The following SUPT5H variants were observed in gnomAD, a reference collection of about 807,000 sequenced individuals.
SUPT5H encodes SPT5 homolog, DSIF elongation factor subunit.
SUPT5H carries 24 observed loss-of-function variants against 142.5 expected under a neutral mutation model. The observed-to-expected ratio is 0.17, with a 90% CI of 0.12 to 0.24. The LOEUF (loss-of-function observed/expected upper bound fraction) is 0.24. SUPT5H is among the 10% of genes least tolerant of loss of function. The pLI, the probability that SUPT5H is intolerant of heterozygous loss-of-function variation, is 1.00. For missense variants in SUPT5H, 893 were observed against 1,471.8 expected (o/e 0.61, Z 6.43); for synonymous variants, 546 against 553.0 (o/e 0.99, Z 0.18).
intron 3 of SUPT5H, among the ~76,000 whole-genome samples, chr19:39,455,575 G>A (rs2079076657): frequency 6.6e-6 from 1 of 151,786 alleles, no homozygotes; most frequent in Non-Finnish European, 1.5e-5. Flanking sequence ...AAATTACATG[G>A]GGGGAACATA....
intron 11 of SUPT5H, 128 bp downstream of exon 11, chr19:39,465,177 C>T (rs2146109116): frequency 7.2e-7 from 1 of 1,386,126 alleles, no homozygotes; most frequent in African/African-American, 1.4e-5. Context: ...TGAAGCAGAG[C>T]CTGGGTTTTG....
rs112789663 is a variant in SUPT5H, at chr19:39,457,059, C to T, written c.242-616C>T. Among the ~76,000 whole-genome samples, 860 of 152,302 alleles carry T rather than the reference C, an allele frequency of 5.6e-3. 13 individuals are homozygous for T. Among genetic ancestry groups the T allele is most frequent in the African/African-American group, 0.02 (833 of 41,562 alleles). ...AGTGTAATGTTTGATACCTGCAAAG[C>T]AGTACATCCAACATGGTAAAGAGAT... On this transcript the variant is annotated intron_variant, in intron 3 of 29. Transcript: ENST00000432763.
Position 39,476,491 on chromosome 19 carries a change from T to G in SUPT5H, c.*92T>G. The G allele has an allele frequency of 6.7e-7, 1 of 1,487,484 alleles. No homozygotes were observed. The highest frequency in any genetic ancestry group is 1.2e-5 in the South Asian group (1 of 85,710). 92.1% of individuals were successfully genotyped at this position (1,487,484 alleles called of 1,614,324 possible). A position where few individuals can be genotyped will look rare whatever the true frequency, so the allele number is the denominator to read the frequency against. On this transcript the variant is annotated 3_prime_UTR_variant, in exon 30 of 30. Transcript: ENST00000432763. ...GTGACACAAGATCCTCCTGCAGGGC[T>G]AGGCGGATTGTTCTGGATTTCCTTT...
rs2079237604 is a variant in SUPT5H at position 39,466,461 on chromosome 19, T to A, written c.877-19T>A. On this transcript the variant is annotated intron_variant, in intron 11 of 29. Coordinates refer to ENST00000432763, the MANE Select transcript of SUPT5H (RefSeq NM_001111020.3). This position sits in a 1 kb window ranked among gnomAD's most constrained non-coding sequence, Gnocchi z 4.3. ...GGAGGAGAGTGGGGCCCTGCTGACC[T>A]TCTGCTCGCCCTGCTCAGGTGGACT... 6.2e-7 allele frequency: 1 copy of A among 1,612,896 alleles called. No individual in the cohort carries two copies. Among genetic ancestry groups the A allele is most frequent in the African/African-American group, 1.3e-5 (1 of 75,002 alleles).
intron 28 of SUPT5H, chr19:39,475,089 G>A (rs1054026491): frequency 3.3e-6 from 1 of 306,154 alleles, no homozygotes. Context: ...GGAACATAAA[G>A]AGCCAAAGGG....
In SUPT5H at chr19:39,459,602, A is replaced by G; in HGVS notation, c.555+13A>G. ...TGTCAAATGTAAGGTATGTGCTCTG[A>G]TCTCGGGGCTTGGAGGAGGTGGGAG... On this transcript the variant is annotated intron_variant, in intron 9 of 29. Coordinates refer to ENST00000432763, the MANE Select transcript of SUPT5H (RefSeq NM_001111020.3). 1 of 1,613,428 alleles carries G rather than the reference A, an allele frequency of 6.2e-7. No individual in the cohort carries two copies. Among genetic ancestry groups the G allele is most frequent in the Non-Finnish European group, 8.5e-7 (1 of 1,179,798 alleles).
At position 39,472,743 on chromosome 19, in the gene SUPT5H, C is replaced by T. The variant is rs1489734037; in HGVS notation, c.2036-67C>T. On this transcript the variant is annotated intron_variant, in intron 21 of 29. Coordinates refer to ENST00000432763, the MANE Select transcript of SUPT5H (RefSeq NM_001111020.3). This position sits in a 1 kb window ranked among gnomAD's most constrained non-coding sequence, Gnocchi z 4.2. ...GGAGGAGTCAAGCAAGTGAAGGGGA[C>T]GTTCTGATGGTGCCCTTGCTGTGGG... is the stretch of plus-strand genomic sequence containing the variant. 1.9e-5 allele frequency: 30 copies of T among 1,551,580 alleles called. No homozygotes were observed. Among genetic ancestry groups the T allele is most frequent in the African/African-American group, 5.4e-5 (4 of 73,770 alleles).
At position 39,474,518 on chromosome 19, in the gene SUPT5H, A is replaced by G. The variant is rs1172086098; in HGVS notation, c.2824A>G (p.Ser942Gly). 1 of 1,613,972 alleles carries G rather than the reference A, an allele frequency of 6.2e-7. No individual in the cohort carries two copies. The highest frequency in any genetic ancestry group is 1.7e-5 in the Admixed American group (1 of 59,996). The change falls in exon 28 of 30, where the codon AGC becomes GGC. Residue 942 changes from serine to glycine, a missense_variant. By Grantham distance (56) the Ser-to-Gly change is moderately conservative. Coordinates refer to ENST00000432763, the MANE Select transcript of SUPT5H (RefSeq NM_001111020.3). The surrounding 1 kb of genome is among the most constrained non-coding windows in gnomAD (Gnocchi z 6.5). The stretch of plus-strand genomic sequence containing the variant: ...ACACTTCCTCTTTCCCCTGCAGGCT[A>G]GCCCCAGCCCGAGCCCCGTTGGCTA... ...PTPSPMAYQA[S>G]PSPSPVGYSP...
chr19:39,474,398 A>G lies in SUPT5H; in HGVS notation c.2816A>G (p.Tyr939Cys), dbSNP rs757106895. ...SYHPTPSPMA[Y>C]QASPSPSPVG... Reference sequence around the variant, plus strand: ...CACCCTACACCGTCGCCCATGGCCTATCAGGTAATGGTCTGCCTGCCTGCC... The same window carrying G: ...CACCCTACACCGTCGCCCATGGCCTGTCAGGTAATGGTCTGCCTGCCTGCC... Residue 939 changes from tyrosine to cysteine, a missense_variant, in exon 27 of 30, where the codon TAT becomes TGT. Tyr to Cys is a radical substitution (Grantham distance 194). Transcript: ENST00000432763. This position sits in a 1 kb window ranked among gnomAD's most constrained non-coding sequence, Gnocchi z 6.5. The G allele has an allele frequency of 6.2e-7, 1 of 1,613,836 alleles. No homozygotes were observed.
rs1373170887 is a variant in SUPT5H at position 39,473,788 on chromosome 19, A to G, written c.2493-175A>G. Among the ~76,000 whole-genome samples, 1 of 152,140 alleles carries G rather than the reference A, an allele frequency of 6.6e-6. No homozygotes were observed. The highest frequency in any genetic ancestry group is 2.4e-5 in the African/African-American group (1 of 41,418). On this transcript the variant is annotated intron_variant, in intron 25 of 29. Transcript: ENST00000432763. The surrounding 1 kb of genome is among the most constrained non-coding windows in gnomAD (Gnocchi z 5.8). Reference sequence around the variant, plus strand: ...GGAGTGACCTTGGGAGGGCACCCTCATCTCTGTCAACCACAGTGTCAGCTG... The same window carrying G: ...GGAGTGACCTTGGGAGGGCACCCTCGTCTCTGTCAACCACAGTGTCAGCTG...
chr19:39,473,852 C>A lies in SUPT5H; in HGVS notation c.2493-111C>A. 1 of 1,435,158 alleles carries A rather than the reference C, an allele frequency of 7.0e-7. No individual in the cohort carries two copies. Among genetic ancestry groups the A allele is most frequent in the Non-Finnish European group, 9.7e-7 (1 of 1,026,438 alleles). The allele number at this position is 1,435,158 out of a possible 1,614,324, so 88.9% of individuals were successfully genotyped here. A position where few individuals can be genotyped will look rare whatever the true frequency, so the allele number is the denominator to read the frequency against. The stretch of plus-strand genomic sequence containing the variant: ...ACATCAGGAGTGCCTCTGGATGGGG[C>A]TCCCGTGAGAATGAAATTGCTTCAG... On this transcript the variant is annotated intron_variant, in intron 25 of 29. Transcript: ENST00000432763. This position sits in a 1 kb window ranked among gnomAD's most constrained non-coding sequence, Gnocchi z 5.8.
At position 39,470,560 on chromosome 19, in the gene SUPT5H, T is replaced by C; in HGVS notation, c.1677+37T>C. The C allele has an allele frequency of 1.4e-6, 2 of 1,479,810 alleles. No homozygotes were observed. Among genetic ancestry groups the C allele is most frequent in the Non-Finnish European group, 1.8e-6 (2 of 1,110,800 alleles). The allele number at this position is 1,479,810 out of a possible 1,614,324, so 91.7% of individuals were successfully genotyped here. A position where few individuals can be genotyped will look rare whatever the true frequency, so the allele number is the denominator to read the frequency against. ...GTGCTCTGTGGCGGGGACTTGCTTT[T>C]AGGAGGCTTCCTGTCCCTCAACCCC... On this transcript the variant is annotated intron_variant, in intron 18 of 29. Coordinates refer to ENST00000432763, the MANE Select transcript of SUPT5H (RefSeq NM_001111020.3). The surrounding 1 kb of genome is among the most constrained non-coding windows in gnomAD (Gnocchi z 5.8).
intron 13 of SUPT5H, 167 bp from the exon 14 acceptor site, chr19:39,468,588 CT>C: frequency 1.6e-6 from 1 of 619,448 alleles, no homozygotes; most frequent in Non-Finnish European, 2.9e-6. Flanking sequence ...GGAGGCGGGC[CT>C]TTGGGGTTTG....
intron 10 of SUPT5H, 88 bp downstream of exon 10, chr19:39,460,048 T>C: frequency 7.1e-7 from 1 of 1,407,128 alleles, no homozygotes; most frequent in Non-Finnish European, 1.0e-6. Flanking sequence ...ACCAGGTGCC[T>C]CTGTTGTGAG....
At chr19:39,475,251 G>C (rs908652334) in intron 28 of SUPT5H, 1 of 134,474 alleles carries the variant, frequency 7.4e-6, no homozygotes, top group East Asian at 2.3e-4. Context: ...AAAAAAAAAA[G>C]CTGGGCATAG....
chr19:39,459,055 A>C lies in SUPT5H; in HGVS notation c.440A>C (p.Lys147Thr), dbSNP rs763559991. 1 of 1,613,970 alleles carries C rather than the reference A, an allele frequency of 6.2e-7. No homozygotes were observed. Residue 147 changes from lysine to threonine, a missense_variant, in exon 7 of 30, where the codon AAG becomes ACG. Physicochemically the swap from Lys to Thr is moderately conservative, Grantham distance 78. Around this residue, in one of 6 missense-constraint regions of SUPT5H, gnomAD observed 428 missense variants for 763.5 expected, o/e 0.56. Transcript: ENST00000432763. Reference sequence around the variant, plus strand: ...GAGTATTACATGAAGAAATACGCCAAGTCATCTGTGGGAGAGACGTAAGGG... The same window carrying C: ...GAGTATTACATGAAGAAATACGCCACGTCATCTGTGGGAGAGACGTAAGGG... Reference protein sequence around the residue: ...LGEYYMKKYAKSSVGETVYGG... With the variant: ...LGEYYMKKYATSSVGETVYGG...
At position 39,466,581 on chromosome 19, in the gene SUPT5H, A is replaced by T. The variant is rs1361197120; in HGVS notation, c.966+12A>T. On this transcript the variant is annotated intron_variant, in intron 12 of 29. Transcript: ENST00000432763. This position sits in a 1 kb window ranked among gnomAD's most constrained non-coding sequence, Gnocchi z 4.3. ...CCCGCATGAGCTTGGTACTCAGGGGAATCTGTGGCCTGGGGGGGAGGGAGT... is the reference window on the plus strand; with the variant it reads ...CCCGCATGAGCTTGGTACTCAGGGGTATCTGTGGCCTGGGGGGGAGGGAGT... 6.2e-7 allele frequency: 1 copy of T among 1,610,812 alleles called. No individual in the cohort carries two copies. The highest frequency in any genetic ancestry group is 8.5e-7 in the Non-Finnish European group (1 of 1,178,492).
chr19:39,462,784 G>A (rs902300791), intron 10 of SUPT5H, among the ~76,000 whole-genome samples: 4 of 149,814 alleles, frequency 2.7e-5, no homozygotes, highest in African/African-American at 9.8e-5. Context: ...GCCCACCTCG[G>A]CCTCCCAAAG....
chr19:39,460,983 G>A (rs1020335139), intron 10 of SUPT5H, among the ~76,000 whole-genome samples: 5 of 152,050 alleles, frequency 3.3e-5, no homozygotes, highest in Non-Finnish European at 5.9e-5. Context: ...GTGCTCAAAT[G>A]TCCTCCTCAA....
Sources: gnomAD v4.1 joint callset for allele counts (sites outside exome capture counted in the v4.1 genomes callset) on GRCh38, gnomAD v4.1.1 for gene constraint, gnomAD v4.1.1 regional missense constraint, Gnocchi (gnomAD v3.1) non-coding constraint, MANE v1.5 for transcripts, NCBI Gene and HGNC (gene_info 2026-07-23, HGNC 2026-07-21) for gene names.